Variants in LARP4B observed in about 807,000 individuals in gnomAD.
The protein encoded by LARP4B is la-related protein 4B.
Under a neutral mutation model 89.8 loss-of-function variants are expected in LARP4B, and 12 were observed. The ratio of observed to expected loss-of-function variants is 0.13; its 90% CI spans 0.09 to 0.22. The LOEUF is 0.22. LARP4B is among the 10% of genes least tolerant of loss of function. LARP4B has a pLI of 1.00. For missense variants in LARP4B, 757 were observed against 947.7 expected (o/e 0.80, Z 2.64); for synonymous variants, 367 against 363.3 (o/e 1.01, Z -0.12).
At chr10:875,805 T>A (rs1356300867) in intron 3 of LARP4B, among the ~76,000 whole-genome samples, 1 of 152,138 alleles carries the variant, frequency 6.6e-6, no homozygotes, top group Non-Finnish European at 1.5e-5. Context: ...GGCGGACTGA[T>A]TTTCCAACAC....
At chr10:962,917 C>T in the LARP4B span, among the ~76,000 whole-genome samples, 79 of 152,242 alleles carry the variant, frequency 5.2e-4, 1 homozygote, top group African/African-American at 1.8e-3. Flanking sequence ...CAGATGAGAC[C>T]ACCTGAACTC....
chr10:963,488 T>C, the LARP4B span, among the ~76,000 whole-genome samples: 1 of 152,180 alleles, frequency 6.6e-6, no homozygotes, highest in African/African-American at 2.4e-5. Flanking sequence ...CGTGTTCTCC[T>C]GGGGGCTTTT....
Position 817,758 on chromosome 10 carries a change from T to G in LARP4B, c.1662A>C (p.Leu554=), listed in dbSNP as rs149018311. The G allele has an allele frequency of 5.6e-6, 9 of 1,614,096 alleles. No individual in the cohort carries two copies. The African/African-American group carries it at 1.1e-4, about 19-fold the overall frequency. ...LKTEDLFENR[L]SSLIIGPSKE... is the part of the protein sequence containing the mutation. ...TGGATGGTCCTATTATCAAGCTAGATAGCCTGTTTTCAAACAAGTCCTCTG... is the reference window on the plus strand; with the variant it reads ...TGGATGGTCCTATTATCAAGCTAGAGAGCCTGTTTTCAAACAAGTCCTCTG... The change falls in exon 15 of 18, where the codon CTA becomes CTC. Residue 554 remains leucine (L), a synonymous_variant. Coordinates refer to ENST00000316157, the MANE Select transcript of LARP4B (RefSeq NM_015155.3).
In LARP4B at chr10:814,743, G is replaced by A. The variant is rs141733482; in HGVS notation, c.1928C>T (p.Thr643Met). ...GGAAGGCAGGCACGAGGTACGTACC[G>A]TGGCGGCTCCGTTCACCTGCACCGA... is the stretch of plus-strand genomic sequence containing the variant. ...CKSVQVNGAATELRKPSYAEI... is the reference protein window; with the variant it reads ...CKSVQVNGAAMELRKPSYAEI... The change falls in exon 17 of 18, where the codon ACG (threonine) becomes ATG (methionine). Residue 643 changes from threonine (T) to methionine (M), a missense_variant and splice_region_variant. By Grantham distance (81) the Thr-to-Met change is moderately conservative (BLOSUM62 -1). Transcript: ENST00000316157. The surrounding 1 kb of genome is among the most constrained non-coding windows in gnomAD (Gnocchi z 4.4). The A allele has an allele frequency of 2.3e-5, 37 of 1,588,764 alleles. No homozygotes were observed. The highest frequency in any genetic ancestry group is 2.7e-5 in the African/African-American group (2 of 74,248).
rs1466038876 is a variant in LARP4B at position 809,562 on chromosome 10, T to TA, written c.*3363dup. ...AAAAATTGAACAGTGCCTAAATCTT[T>TA]ATTTTCATAACCTACATTTTTTTTC... On this transcript the variant is annotated 3_prime_UTR_variant, in exon 18 of 18. Transcript: ENST00000316157. 1 of 152,456 alleles carries TA rather than the reference T, an allele frequency of 6.6e-6. No individual in the cohort carries two copies. The highest frequency in any genetic ancestry group is 1.5e-5 in the Non-Finnish European group (1 of 68,054). 9.4% of individuals were successfully genotyped at this position (152,456 alleles called of 1,614,324 possible).
In LARP4B at chr10:825,298, A is replaced by G; in HGVS notation, c.1251T>C (p.His417=). The change falls in exon 13 of 18, where the codon CAT becomes CAC. Residue 417 remains histidine (H), a synonymous_variant. Coordinates refer to ENST00000316157, the MANE Select transcript of LARP4B (RefSeq NM_015155.3). The part of the protein sequence containing the change: ...PPRSRNPSKS[H]LRHAIPSAER... ...CTGCACTAGGAATCGCATGCCGCAG[A>G]TGAGATTTACTAGGATTCCTGTAAA... The G allele has an allele frequency of 1.2e-6, 2 of 1,614,068 alleles. No individual in the cohort carries two copies. Among genetic ancestry groups the G allele is most frequent in the Non-Finnish European group, 1.7e-6 (2 of 1,179,914 alleles).
At chr10:839,261 G>A (rs984705156) in intron 7 of LARP4B, among the ~76,000 whole-genome samples, 1 of 152,322 alleles carries the variant, frequency 6.6e-6, no homozygotes, top group South Asian at 2.1e-4. Flanking sequence ...GTGGACTCCA[G>A]GTGACAATGA....
intron 1 of LARP4B, among the ~76,000 whole-genome samples, chr10:922,400 TA>T (rs1340493185): frequency 1.3e-5 from 2 of 152,078 alleles, no homozygotes; most frequent in Admixed American, 6.6e-5. Flanking sequence ...CAACCTGAAC[TA>T]GCAATTTAGC....
chr10:976,683 G>A, the LARP4B span, among the ~76,000 whole-genome samples: 1 of 150,956 alleles, frequency 6.6e-6, no homozygotes, highest in African/African-American at 2.5e-5. Context: ...CACGTGATGT[G>A]TGGCCCGGCC....
chr10:984,737 A>T, the LARP4B span, among the ~76,000 whole-genome samples: 1 of 152,210 alleles, frequency 6.6e-6, no homozygotes, highest in Non-Finnish European at 1.5e-5. Context: ...AGCCTGGACA[A>T]CATGGCGAAA....
intron 5 of LARP4B, among the ~76,000 whole-genome samples, chr10:863,065 T>C (rs1460401845): frequency 1.3e-5 from 2 of 152,208 alleles, no homozygotes; most frequent in Non-Finnish European, 2.9e-5. Context: ...TGTGAATGGC[T>C]TCTAAGACTT....
At chr10:884,359 T>C in intron 3 of LARP4B, 88 bp downstream of exon 3, 1 of 952,372 alleles carries the variant, frequency 1.1e-6, no homozygotes, top group South Asian at 1.4e-5. Flanking sequence ...TTTCTAATTT[T>C]TGTTACAATA....
chr10:857,580 G>A (rs1439044227), intron 5 of LARP4B, among the ~76,000 whole-genome samples: 7 of 152,154 alleles, frequency 4.6e-5, no homozygotes, highest in Non-Finnish European at 8.8e-5. Flanking sequence ...GGATCAGGTC[G>A]GGTGGCCGGT....
chr10:867,861 T>TG (rs1564418705), intron 3 of LARP4B, among the ~76,000 whole-genome samples: 56 of 113,266 alleles, frequency 4.9e-4, no homozygotes, highest in African/African-American at 1.8e-3. Context: ...ACTCCATCCT[T>TG]GAAAAAAAAA....
chr10:966,680 G>A, the LARP4B span, among the ~76,000 whole-genome samples: 3 of 152,370 alleles, frequency 2.0e-5, no homozygotes, highest in South Asian at 6.2e-4. Context: ...TAAAAGGCTT[G>A]CGGGAGACAG....
chr10:808,065 C>CTTTG, downstream of LARP4B: 1 of 152,366 alleles, frequency 6.6e-6, no homozygotes, highest in Non-Finnish European at 1.5e-5. Context: ...CAACTTCAGA[C>CTTTG]TTTGGTGGGT....
intron 1 of LARP4B, among the ~76,000 whole-genome samples, chr10:909,662 G>A (rs1836614115): frequency 1.3e-5 from 2 of 151,870 alleles, no homozygotes; most frequent in African/African-American, 4.8e-5. Flanking sequence ...GCAGGAGCCT[G>A]TAATCCCAGC....
intron 1 of LARP4B, among the ~76,000 whole-genome samples, chr10:919,696 T>C (rs1836927729): frequency 6.6e-6 from 1 of 152,156 alleles, no homozygotes; most frequent in Admixed American, 6.5e-5. Flanking sequence ...CTAGTGTGAG[T>C]TCCTCTACAC....
intron 9 of LARP4B, 32 bp from the exon 10 acceptor site, chr10:829,766 C>T (rs762045404): frequency 5.1e-5 from 78 of 1,522,430 alleles, no homozygotes; most frequent in Admixed American, 2.5e-4. Context: ...AAATTCCATT[C>T]GATTAACCTT....
Sources: gnomAD v4.1 joint callset for allele counts (sites outside exome capture counted in the v4.1 genomes callset) on GRCh38, gnomAD v4.1.1 for gene constraint, Gnocchi (gnomAD v3.1) non-coding constraint, MANE v1.5 for transcripts, NCBI Gene and HGNC (gene_info 2026-07-23, HGNC 2026-07-21) for gene names.